GPHN: variants seen among roughly 807,000 people sequenced by gnomAD.
GPHN encodes the protein gephyrin.
In GPHN, 17 loss-of-function variants were observed where a neutral mutation model predicts 95.5. The observed-to-expected ratio is 0.18, with a 90% CI of 0.12 to 0.27. The LOEUF (loss-of-function observed/expected upper bound fraction) is 0.27. Among genes scored for constraint, GPHN ranks in the 10% least tolerant of loss-of-function variants. The probability of loss-of-function intolerance (pLI) is 1.00; values close to 1 mark genes in which losing one functional copy is unlikely to be tolerated. For missense variants in GPHN, 660 were observed against 978.1 expected, an observed-to-expected ratio of 0.67 and a Z score of 4.34; for synonymous variants, 320 against 322.5, an observed-to-expected ratio of 0.99 and a Z score of 0.08.
At chr14:66,566,201 C>T (rs1190136934) in intron 1 of GPHN, among the ~76,000 whole-genome samples, 2 of 151,754 alleles carry the variant, frequency 1.3e-5, no homozygotes, top group South Asian at 2.1e-4. Context: ...CTTGGAGAAC[C>T]TTAAACTTAA....
chr14:67,199,058 T>C, the GPHN span: 2 of 796,390 alleles, frequency 2.5e-6, no homozygotes, highest in South Asian at 1.4e-5. Context: ...GGAGCTCTTT[T>C]GCCATGGCTA....
intron 1 of GPHN, among the ~76,000 whole-genome samples, chr14:66,659,876 TTC>T (rs2153373192): frequency 6.6e-6 from 1 of 152,168 alleles, no homozygotes; most frequent in African/African-American, 2.4e-5. Context: ...GCTAATCTCT[TTC>T]AGTTGGTGTA....
chr14:66,872,379 T>A (rs2063475693), intron 4 of GPHN, among the ~76,000 whole-genome samples: 1 of 152,204 alleles, frequency 6.6e-6, no homozygotes, highest in Non-Finnish European at 1.5e-5. Context: ...ATAACTTGCT[T>A]AATTTTTGGA....
chr14:66,797,660 T>A (rs1268873651), intron 3 of GPHN, among the ~76,000 whole-genome samples: 1 of 152,004 alleles, frequency 6.6e-6, no homozygotes, highest in African/African-American at 2.4e-5. Flanking sequence ...ATGCTACTGA[T>A]TTTTGTATGT....
At chr14:67,513,628 A>G in the GPHN span, among the ~76,000 whole-genome samples, 10 of 152,154 alleles carry the variant, frequency 6.6e-5, no homozygotes, top group Non-Finnish European at 1.2e-4. Context: ...GTGTCTCTAG[A>G]GCAAAGTGTC....
chr14:67,687,897 C>T, the GPHN span, among the ~76,000 whole-genome samples: 13 of 151,914 alleles, frequency 8.6e-5, no homozygotes, highest in Admixed American at 5.9e-4. Flanking sequence ...TCAGCCTCTC[C>T]AGTAGCTAGG....
At chr14:66,548,973 G>A (rs2059712762) in intron 1 of GPHN, among the ~76,000 whole-genome samples, 1 of 152,146 alleles carries the variant, frequency 6.6e-6, no homozygotes, top group Admixed American at 6.5e-5. Flanking sequence ...GGTAGCATCT[G>A]TATTCCTACC....
intron 17 of GPHN, 162 bp from the exon 18 acceptor site, chr14:67,143,200 C>T: frequency 3.1e-6 from 2 of 645,626 alleles, no homozygotes; most frequent in East Asian, 2.8e-5. Context: ...AGACTTAATG[C>T]TCCTGTTAGG....
chr14:67,088,352 T>C (rs1449834961), intron 11 of GPHN, among the ~76,000 whole-genome samples: 4 of 152,204 alleles, frequency 2.6e-5, no homozygotes, highest in African/African-American at 9.6e-5. Flanking sequence ...TATACACATA[T>C]ATCTTAATAC....
intron 17 of GPHN, among the ~76,000 whole-genome samples, chr14:67,138,691 A>G (rs1025855839): frequency 2.0e-5 from 3 of 152,108 alleles, no homozygotes; most frequent in Non-Finnish European, 4.4e-5. Flanking sequence ...TATAGCATGA[A>G]TCATAAAAAA....
At chr14:66,888,370 C>G (rs1461780099) in intron 5 of GPHN, among the ~76,000 whole-genome samples, 1 of 152,058 alleles carries the variant, frequency 6.6e-6, no homozygotes, top group Non-Finnish European at 1.5e-5. Context: ...TTTAACTTGT[C>G]CTCAGACATG....
At chr14:67,211,072 A>G in the GPHN span, among the ~76,000 whole-genome samples, 2 of 152,234 alleles carry the variant, frequency 1.3e-5, no homozygotes, top group East Asian at 3.9e-4. Context: ...TCTCTATCTC[A>G]TTAGCTCTAT....
the GPHN span, chr14:67,557,427 T>C: frequency 6.2e-7 from 1 of 1,611,652 alleles, no homozygotes; most frequent in South Asian, 1.1e-5. Context: ...AGGTAAGGGC[T>C]CATGCGCAAG....
At chr14:66,803,166 C>T (rs1020727116) in intron 3 of GPHN, among the ~76,000 whole-genome samples, 8 of 152,142 alleles carry the variant, frequency 5.3e-5, no homozygotes, top group Non-Finnish European at 1.2e-4. Context: ...TAGGGATGGT[C>T]AGCTGAGTTT....
At chr14:67,549,327 A>G in the GPHN span, among the ~76,000 whole-genome samples, 2 of 151,520 alleles carry the variant, frequency 1.3e-5, no homozygotes, top group South Asian at 2.1e-4. Context: ...CTGGAGTGCA[A>G]TGGTGTGATC....
chr14:67,663,136 C>T, the GPHN span: 3 of 1,529,334 alleles, frequency 2.0e-6, no homozygotes, highest in Non-Finnish European at 2.6e-6. Flanking sequence ...CAGCCTTTCC[C>T]ATTCTGTCCC....
chr14:66,724,799 A>C (rs2071069963), intron 2 of GPHN, among the ~76,000 whole-genome samples: 1 of 152,244 alleles, frequency 6.6e-6, no homozygotes, highest in African/African-American at 2.4e-5. Context: ...AAGTTGCTAA[A>C]GTTTAAGGAA....
At chr14:67,179,940 G>T (rs182565538) in intron 22 of GPHN, among the ~76,000 whole-genome samples, 1 of 152,092 alleles carries the variant, frequency 6.6e-6, no homozygotes, top group East Asian at 1.9e-4. Context: ...AATAAATCTG[G>T]AATTACAGAA....
the GPHN span, among the ~76,000 whole-genome samples, chr14:67,221,059 T>C: frequency 6.6e-6 from 1 of 152,246 alleles, no homozygotes; most frequent in Non-Finnish European, 1.5e-5. Context: ...CTTAAGTTTA[T>C]GTTTTAGTAT....
Sources: gnomAD v4.1 joint callset for allele counts (sites outside exome capture counted in the v4.1 genomes callset) on GRCh38, gnomAD v4.1.1 for gene constraint, MANE v1.5 for transcripts, NCBI Gene and HGNC (gene_info 2026-07-23, HGNC 2026-07-21) for gene names.